Variants in KLHL12 observed in about 807,000 individuals in gnomAD.
The protein encoded by KLHL12 is kelch-like protein 12.
In KLHL12, 17 loss-of-function variants were observed where a neutral mutation model predicts 60.8. The ratio of observed to expected loss-of-function variants is 0.28; its 90% CI spans 0.19 to 0.42. KLHL12 has a LOEUF of 0.42. Among genes scored for constraint, KLHL12 ranks in the 10% least tolerant of loss-of-function variants. KLHL12 has a pLI of 1.00. For missense variants in KLHL12, 468 were observed against 722.3 expected (o/e 0.65, Z 4.04); for synonymous variants, 220 against 250.9 (o/e 0.88, Z 1.16).
chr1:202,896,743 A>T (rs1213971941), intron 7 of KLHL12, 111 bp downstream of exon 7: 1 of 820,944 alleles, frequency 1.2e-6, no homozygotes, highest in Non-Finnish European at 2.1e-6. Context: ...GTTGTAAGAA[A>T]CATCCTGTTA....
chr1:202,892,391 A>G lies in KLHL12; in HGVS notation c.*142T>C, dbSNP rs1659702750. The G allele has an allele frequency of 5.9e-6, 5 of 853,518 alleles. No homozygotes were observed. The highest frequency in any genetic ancestry group is 2.8e-5 in the Admixed American group (1 of 35,554). 52.9% of individuals were successfully genotyped at this position (853,518 alleles called of 1,614,324 possible). ...CAGGACGACGGGGAGTATGTGTCAAATAAGTACAATCATCACTGCACTGGT... is the reference window on the plus strand; with the variant it reads ...CAGGACGACGGGGAGTATGTGTCAAGTAAGTACAATCATCACTGCACTGGT... On this transcript the variant is annotated 3_prime_UTR_variant, in exon 12 of 12. Coordinates refer to ENST00000367261, the MANE Select transcript of KLHL12 (RefSeq NM_021633.4).
In KLHL12 at chr1:202,896,722, T is replaced by C. The variant is rs904022852; in HGVS notation, c.939+132A>G. ...AACTGTTAAGTAAGTACCTACTATA[T>C]GCACAAGACTGTTGTAAGAAACATC... is the stretch of plus-strand genomic sequence containing the variant. On this transcript the variant is annotated intron_variant, in intron 7 of 11. Coordinates refer to ENST00000367261, the MANE Select transcript of KLHL12 (RefSeq NM_021633.4). 19 of 731,948 alleles carry C rather than the reference T, an allele frequency of 2.6e-5. 1 individual carries two copies. The South Asian group carries it at 3.1e-4, about 12-fold the overall frequency. The allele number at this position is 731,948 out of a possible 1,614,324, so 45.3% of individuals were successfully genotyped here.
chr1:202,910,179 A>T (rs1660312501), intron 5 of KLHL12, among the ~76,000 whole-genome samples: 1 of 152,226 alleles, frequency 6.6e-6, no homozygotes, highest in Admixed American at 6.5e-5. Flanking sequence ...TACTATTATC[A>T]TCCCTGTTTT....
In KLHL12 at chr1:202,893,897, G is replaced by T. The variant is rs1262735938; in HGVS notation, c.1393+287C>A. 6.6e-6 allele frequency among the ~76,000 whole-genome samples: 1 copy of T among 152,152 alleles called. No individual in the cohort carries two copies. Among genetic ancestry groups the T allele is most frequent in the East Asian group, 1.9e-4 (1 of 5,206 alleles). On this transcript the variant is annotated intron_variant, in intron 10 of 11. Coordinates refer to ENST00000367261, the MANE Select transcript of KLHL12 (RefSeq NM_021633.4). The surrounding 1 kb of genome is among the most constrained non-coding windows in gnomAD (Gnocchi z 4.1). Reference sequence around the variant, plus strand: ...TACTCTTTTGTCCTTATGCATTAGAGACTTTATTTAACAGATATTTATTAA... The same window carrying T: ...TACTCTTTTGTCCTTATGCATTAGATACTTTATTTAACAGATATTTATTAA...
Position 202,892,350 on chromosome 1 carries a change from T to C in KLHL12, c.*183A>G. ...TCCTGGAATATCTGTTACCCACCCTTCTCAGGAACAAGAACCAGGACGACG... is the reference window on the plus strand; with the variant it reads ...TCCTGGAATATCTGTTACCCACCCTCCTCAGGAACAAGAACCAGGACGACG... On this transcript the variant is annotated 3_prime_UTR_variant, in exon 12 of 12. Coordinates refer to ENST00000367261, the MANE Select transcript of KLHL12 (RefSeq NM_021633.4). 1 of 590,298 alleles carries C rather than the reference T, an allele frequency of 1.7e-6. No homozygotes were observed. Among genetic ancestry groups the C allele is most frequent in the Non-Finnish European group, 2.9e-6 (1 of 349,794 alleles). 36.6% of individuals were successfully genotyped at this position (590,298 alleles called of 1,614,324 possible).
chr1:202,893,492 C>T lies in KLHL12; in HGVS notation c.1394-67G>A, dbSNP rs1261375772. ...CTAGAATCTGAATTATAGAAATAAA[C>T]TACGGTCACTAATGACTAGCTGAGT... On this transcript the variant is annotated intron_variant, in intron 10 of 11. Transcript: ENST00000367261. This position sits in a 1 kb window ranked among gnomAD's most constrained non-coding sequence, Gnocchi z 4.1. The T allele has an allele frequency of 1.5e-6, 2 of 1,344,854 alleles. No individual in the cohort carries two copies. Among genetic ancestry groups the T allele is most frequent in the Non-Finnish European group, 2.1e-6 (2 of 962,114 alleles). The allele number at this position is 1,344,854 out of a possible 1,614,324, so 83.3% of individuals were successfully genotyped here.
chr1:202,912,338 T>C, intron 4 of KLHL12: 1 of 792,694 alleles, frequency 1.3e-6, no homozygotes, highest in Non-Finnish European at 2.2e-6. Context: ...GCCATAACTG[T>C]GAAGTTAGGA....
chr1:202,911,382 C>T (rs867894709), intron 4 of KLHL12, among the ~76,000 whole-genome samples, 179 bp from the exon 5 acceptor site: 20 of 146,924 alleles, frequency 1.4e-4, no homozygotes, highest in African/African-American at 4.5e-4. Context: ...GCTAACAGAC[C>T]AGGAAAAGAA....
rs1489959887 is a variant in KLHL12 at position 202,905,720 on chromosome 1, G to C, written c.832+3290C>G. Among the ~76,000 whole-genome samples the C allele has an allele frequency of 4.6e-5, 7 of 152,270 alleles. No homozygotes were observed. In the East Asian group the frequency reaches 1.4e-3, roughly 29 times the overall value. On this transcript the variant is annotated intron_variant, in intron 6 of 11. Coordinates refer to ENST00000367261, the MANE Select transcript of KLHL12 (RefSeq NM_021633.4). ...AACCCCAAATCCAAAATGCTTCAATGAGCATTTCCTTTGAGCATTATGTTG... is the reference window on the plus strand; with the variant it reads ...AACCCCAAATCCAAAATGCTTCAATCAGCATTTCCTTTGAGCATTATGTTG...
At chr1:202,927,997 A>AAG (rs34751045), upstream of KLHL12, among the ~76,000 whole-genome samples, 1 of 105,054 alleles carries the variant, frequency 9.5e-6, no homozygotes, top group Non-Finnish European at 2.0e-5. Flanking sequence ...AAAAAAAAAA[A>AAG]GGCCAGGCGA....
chr1:202,912,090 G>T lies in KLHL12; in HGVS notation c.568-887C>A, dbSNP rs12741542. On this transcript the variant is annotated intron_variant, in intron 4 of 11. Coordinates refer to ENST00000367261, the MANE Select transcript of KLHL12 (RefSeq NM_021633.4). ...GAGAACCAAAGAGAGCTGTTTCAAGGGAAGATTCTCAAAGACCAGGTGCTC... is the reference window on the plus strand; with the variant it reads ...GAGAACCAAAGAGAGCTGTTTCAAGTGAAGATTCTCAAAGACCAGGTGCTC... 3 of 809,652 alleles carry T rather than the reference G, an allele frequency of 3.7e-6. No homozygotes were observed. In the East Asian group the frequency reaches 7.3e-5, roughly 20 times the overall value. 50.2% of individuals were successfully genotyped at this position (809,652 alleles called of 1,614,324 possible).
chr1:202,903,465 T>C (rs888528264), intron 6 of KLHL12, among the ~76,000 whole-genome samples: 2 of 145,344 alleles, frequency 1.4e-5, no homozygotes, highest in Non-Finnish European at 3.0e-5. Context: ...TTCTTGTTTT[T>C]TTTTTCTTTT....
chr1:202,925,191 G>A lies in KLHL12; in HGVS notation c.-29C>T, dbSNP rs1431854855. The A allele has an allele frequency of 2.5e-6, 4 of 1,612,142 alleles. No individual in the cohort carries two copies. The highest frequency in any genetic ancestry group is 3.4e-6 in the Non-Finnish European group (4 of 1,179,350). The stretch of plus-strand genomic sequence containing the variant: ...GCAGTGCGGAGAAAGAACAAAATGG[G>A]TCCTTGGATTCTGCAACTACAAGAG... On this transcript the variant is annotated 5_prime_UTR_variant, in exon 2 of 12. Coordinates refer to ENST00000367261, the MANE Select transcript of KLHL12 (RefSeq NM_021633.4).
At chr1:202,924,234 C>T (rs1231958318) in intron 2 of KLHL12, among the ~76,000 whole-genome samples, 1 of 152,024 alleles carries the variant, frequency 6.6e-6, no homozygotes, top group Non-Finnish European at 1.5e-5. Context: ...TCCTAATTCC[C>T]TTTGTTAAGT....
upstream of KLHL12, chr1:202,927,368 T>C: frequency 1.4e-6 from 1 of 707,284 alleles, no homozygotes; most frequent in Non-Finnish European, 1.7e-6. Flanking sequence ...TTCTGTACGC[T>C]GCTAGGAAGC....
chr1:202,918,447 A>G, intron 3 of KLHL12, 59 bp from the exon 4 acceptor site: 2 of 1,271,738 alleles, frequency 1.6e-6, no homozygotes, highest in Non-Finnish European at 2.3e-6. Context: ...GATCTAGGAT[A>G]TATTCTTGTA....
intron 4 of KLHL12, among the ~76,000 whole-genome samples, chr1:202,913,442 C>T (rs1223494365): frequency 2.0e-5 from 3 of 152,156 alleles, no homozygotes; most frequent in Non-Finnish European, 4.4e-5. Context: ...AAAGTTCATT[C>T]ATTTGAGGGC....
At chr1:202,920,202 TA>T (rs1660643335) in intron 2 of KLHL12, among the ~76,000 whole-genome samples, 1 of 151,584 alleles carries the variant, frequency 6.6e-6, no homozygotes, top group South Asian at 2.1e-4. Context: ...TAGTCCCAGC[TA>T]CTCAGGAGGC....
rs543132622 is a variant in KLHL12 at position 202,893,495 on chromosome 1, C to T, written c.1394-70G>A. The T allele has an allele frequency of 2.7e-4, 365 of 1,337,522 alleles. 1 individual carries two copies. Among genetic ancestry groups the T allele is most frequent in the Admixed American group, 2.6e-3 (136 of 51,706 alleles). 82.9% of individuals were successfully genotyped at this position (1,337,522 alleles called of 1,614,324 possible). ...GAATCTGAATTATAGAAATAAACTA[C>T]GGTCACTAATGACTAGCTGAGTTCT... On this transcript the variant is annotated intron_variant, in intron 10 of 11. Transcript: ENST00000367261. This position sits in a 1 kb window ranked among gnomAD's most constrained non-coding sequence, Gnocchi z 4.1.
Sources: gnomAD v4.1 joint callset for allele counts (sites outside exome capture counted in the v4.1 genomes callset) on GRCh38, gnomAD v4.1.1 for gene constraint, Gnocchi (gnomAD v3.1) non-coding constraint, MANE v1.5 for transcripts, NCBI Gene and HGNC (gene_info 2026-07-23, HGNC 2026-07-21) for gene names.